SGCD: variants seen among roughly 807,000 people sequenced by gnomAD.
SGCD encodes delta-sarcoglycan.
Under a neutral mutation model 36.6 loss-of-function variants are expected in SGCD, and 18 were observed. The observed-to-expected ratio is 0.49, with a 90% confidence interval of 0.34 to 0.73. The LOEUF (loss-of-function observed/expected upper bound fraction) is 0.73, where lower values mean the gene tolerates loss of function less well. Among genes scored for constraint, SGCD ranks in the 30% least tolerant of loss-of-function variants. The pLI is 0.01. For synonymous variants in SGCD, 133 were observed against 130.6 expected, an observed-to-expected ratio of 1.02 and a Z score of -0.12; for missense variants, 387 against 346.7, an observed-to-expected ratio of 1.12 and a Z score of -0.92.
chr5:155,735,983 C>T, the SGCD span, among the ~76,000 whole-genome samples: 1 of 152,120 alleles, frequency 6.6e-6, no homozygotes, highest in Non-Finnish European at 1.5e-5. Flanking sequence ...AGATGATGCT[C>T]CTCTTTCTTC....
intron 3 of SGCD, among the ~76,000 whole-genome samples, chr5:156,298,076 T>G (rs1290832966): frequency 1.6e-4 from 25 of 152,092 alleles, no homozygotes; most frequent in Admixed American, 1.6e-3. Context: ...TAATGTAATA[T>G]CCTCCAGGTC....
chr5:155,785,625 A>C, the SGCD span, among the ~76,000 whole-genome samples: 1 of 152,190 alleles, frequency 6.6e-6, no homozygotes, highest in Admixed American at 6.6e-5. Context: ...AATAAATTGA[A>C]GTCTCAAAAG....
At chr5:156,677,678 A>T (rs1190522417) in intron 7 of SGCD, among the ~76,000 whole-genome samples, 1 of 152,106 alleles carries the variant, frequency 6.6e-6, no homozygotes, top group East Asian at 1.9e-4. Flanking sequence ...CCTAGAACTT[A>T]AAGTATATAG....
chr5:156,665,054 C>A (rs1229217442), intron 7 of SGCD, among the ~76,000 whole-genome samples: 2 of 142,450 alleles, frequency 1.4e-5, no homozygotes, highest in Non-Finnish European at 3.1e-5. Flanking sequence ...TGGTATGGCG[C>A]CCTGCCCTGT....
chr5:156,299,322 A>G (rs565719233), intron 3 of SGCD, among the ~76,000 whole-genome samples: 1 of 152,300 alleles, frequency 6.6e-6, no homozygotes, highest in Admixed American at 6.5e-5. Context: ...TGCCAGTACC[A>G]TGCCAATTTG....
chr5:155,739,328 T>C, the SGCD span, among the ~76,000 whole-genome samples: 1 of 152,150 alleles, frequency 6.6e-6, no homozygotes, highest in Non-Finnish European at 1.5e-5. Context: ...GTACAAAGGC[T>C]GTGATGTGGG....
At chr5:155,914,986 C>A (rs1489896349) in intron 1 of SGCD, among the ~76,000 whole-genome samples, 1 of 152,052 alleles carries the variant, frequency 6.6e-6, no homozygotes, top group Non-Finnish European at 1.5e-5. Flanking sequence ...AAAATTAGAC[C>A]ACAGTGTACT....
chr5:156,653,493 C>CTTTTTCTTTTTTTTTTTTTTTTT (rs1763545895), intron 7 of SGCD, among the ~76,000 whole-genome samples: 1 of 48,082 alleles, frequency 2.1e-5, no homozygotes, highest in African/African-American at 6.4e-5. Context: ...CTAAAGCTTG[C>CTTTTTCTTTTTTTTTTTTTTTTT]TTTTTTTTTT....
At chr5:155,948,794 G>A (rs1271876731) in intron 1 of SGCD, among the ~76,000 whole-genome samples, 3 of 152,166 alleles carry the variant, frequency 2.0e-5, no homozygotes, top group African/African-American at 7.2e-5. Context: ...ACCCAGTGGG[G>A]TGTCTGACAA....
intron 4 of SGCD, among the ~76,000 whole-genome samples, chr5:156,515,268 T>C (rs1757108909): frequency 6.6e-6 from 1 of 152,200 alleles, no homozygotes; most frequent in South Asian, 2.1e-4. Context: ...TAAAAATGTT[T>C]ATACACTCTG....
chr5:155,909,185 G>C (rs1756581437), intron 1 of SGCD, among the ~76,000 whole-genome samples: 1 of 152,096 alleles, frequency 6.6e-6, no homozygotes. Context: ...CAGGAACAAA[G>C]TGTATCTTCC....
intron 3 of SGCD, chr5:156,458,533 C>T: frequency 7.0e-7 from 1 of 1,424,056 alleles, no homozygotes. Context: ...ATAGACACAC[C>T]AGTGATTCTT....
intron 3 of SGCD, among the ~76,000 whole-genome samples, chr5:156,251,809 C>A (rs527409820): frequency 6.6e-6 from 1 of 151,344 alleles, no homozygotes; most frequent in Non-Finnish European, 1.5e-5. Flanking sequence ...CCACTGTGCC[C>A]GGCCTATACT....
intron 3 of SGCD, among the ~76,000 whole-genome samples, chr5:156,381,067 G>A (rs1037796229): frequency 2.0e-5 from 3 of 152,136 alleles, no homozygotes; most frequent in African/African-American, 7.2e-5. Context: ...TGGCAATTGA[G>A]AAATCAAAGA....
chr5:155,830,945 G>A, the SGCD span, among the ~76,000 whole-genome samples: 1 of 152,056 alleles, frequency 6.6e-6, no homozygotes, highest in African/African-American at 2.4e-5. Context: ...TATGCACCAG[G>A]CATTCTTCTT....
rs369364808 is a variant in SGCD, at chr5:156,547,463, G to A, written c.294+38761G>A. Among the ~76,000 whole-genome samples the A allele has an allele frequency of 2.3e-3, 337 of 148,220 alleles. 1 individual carries two copies. Among genetic ancestry groups the A allele is most frequent in the African/African-American group, 7.9e-3 (318 of 40,114 alleles). On this transcript the variant is annotated intron_variant, in intron 4 of 8. Coordinates refer to ENST00000337851, the MANE Select transcript of SGCD (RefSeq NM_000337.6). ...TGACTTTTTTTTTTTTTTCTTTTGA[G>A]ATGGAGTCTCACTCTGTCACCCAGG...
At chr5:155,945,362 C>T (rs1157554929) in intron 1 of SGCD, among the ~76,000 whole-genome samples, 1 of 152,188 alleles carries the variant, frequency 6.6e-6, no homozygotes, top group Non-Finnish European at 1.5e-5. Flanking sequence ...TGAACATCAA[C>T]TCTGTGCCTG....
chr5:156,312,003 A>G (rs1185468827), intron 3 of SGCD, among the ~76,000 whole-genome samples: 1 of 152,210 alleles, frequency 6.6e-6, no homozygotes, highest in African/African-American at 2.4e-5. Context: ...TGCCATAGCT[A>G]GCTAAGGGCA....
intron 1 of SGCD, among the ~76,000 whole-genome samples, chr5:155,887,420 A>G (rs936106493): frequency 9.2e-5 from 14 of 152,124 alleles, no homozygotes; most frequent in African/African-American, 3.1e-4. Context: ...ATTAAACTCA[A>G]ACTAACTACG....
Sources: allele counts gnomAD v4.1 joint callset (sites outside exome capture counted in the v4.1 genomes callset), GRCh38; gene constraint gnomAD v4.1.1; transcripts MANE v1.5; gene names NCBI Gene and HGNC (gene_info 2026-07-23, HGNC 2026-07-21).